The following MEIS2 variants were observed in gnomAD, a reference collection of about 807,000 sequenced individuals.
The protein encoded by MEIS2 is homeobox protein Meis2.
Under a neutral mutation model 58.6 loss-of-function variants are expected in MEIS2, and 9 were observed. That is an observed-to-expected ratio of 0.15 (90% CI 0.09 to 0.27). The LOEUF (loss-of-function observed/expected upper bound fraction) is 0.27, where lower values mean the gene tolerates loss of function less well. MEIS2 is among the 10% of genes least tolerant of loss of function. MEIS2 has a pLI of 1.00. For missense variants in MEIS2, 427 were observed against 635.0 expected (o/e 0.67, Z 3.52); for synonymous variants, 221 against 228.4 (o/e 0.97, Z 0.29).
intron 8 of MEIS2, among the ~76,000 whole-genome samples, chr15:36,978,998 AT>A (rs1015478760): frequency 4.6e-5 from 7 of 152,128 alleles, no homozygotes; most frequent in Non-Finnish European, 8.8e-5. Flanking sequence ...AAAAGTATGC[AT>A]TTTTTTAAAG....
chr15:36,938,748 A>G (rs1290245131), intron 9 of MEIS2, among the ~76,000 whole-genome samples: 1 of 152,230 alleles, frequency 6.6e-6, no homozygotes, highest in East Asian at 1.9e-4. Context: ...TTTTAAAGAT[A>G]GAAAGGACCT....
intron 6 of MEIS2, among the ~76,000 whole-genome samples, chr15:37,084,915 G>T (rs558550376): frequency 6.6e-6 from 1 of 152,266 alleles, no homozygotes; most frequent in East Asian, 1.9e-4. Context: ...CTGTACACTT[G>T]TCACCTGCAT....
chr15:37,058,727 A>C (rs1888787590), intron 7 of MEIS2, among the ~76,000 whole-genome samples: 1 of 152,134 alleles, frequency 6.6e-6, no homozygotes, highest in Non-Finnish European at 1.5e-5. Context: ...AGTGGCACCA[A>C]ATTCATCAGC....
chr15:36,897,808 G>A (rs2056259036), intron 9 of MEIS2: 1 of 152,140 alleles, frequency 6.6e-6, no homozygotes. Context: ...CAGATCTTAA[G>A]CACAGGGGGA....
At chr15:36,916,384 A>C (rs979479811) in intron 9 of MEIS2, among the ~76,000 whole-genome samples, 3 of 147,308 alleles carry the variant, frequency 2.0e-5, no homozygotes, top group African/African-American at 7.6e-5. Context: ...CTGAGACCGC[A>C]CCGCTGCACT....
intron 8 of MEIS2, among the ~76,000 whole-genome samples, chr15:36,973,429 T>C (rs2059634269): frequency 6.6e-6 from 1 of 152,212 alleles, no homozygotes; most frequent in Non-Finnish European, 1.5e-5. Context: ...CTGACTCTTA[T>C]TTGGATGCTG....
chr15:36,988,039 A>T (rs1278711515), intron 8 of MEIS2, among the ~76,000 whole-genome samples: 2 of 152,196 alleles, frequency 1.3e-5, no homozygotes, highest in Non-Finnish European at 2.9e-5. Context: ...AGGATGAAAA[A>T]GTCTAGAGAT....
chr15:37,073,551 G>A (rs769414119), intron 7 of MEIS2, among the ~76,000 whole-genome samples: 15 of 152,048 alleles, frequency 9.9e-5, no homozygotes, highest in Non-Finnish European at 1.8e-4. Context: ...GGTCTTGAGA[G>A]AGTGAGAGCT....
intron 9 of MEIS2, among the ~76,000 whole-genome samples, chr15:36,907,691 G>A (rs1309355590): frequency 6.6e-6 from 1 of 152,190 alleles, no homozygotes. Flanking sequence ...TGTTTGAGAG[G>A]CTGAGATTTT....
At chr15:36,985,208 T>C (rs1460732797) in intron 8 of MEIS2, among the ~76,000 whole-genome samples, 2 of 152,190 alleles carry the variant, frequency 1.3e-5, no homozygotes, top group African/African-American at 2.4e-5. Context: ...TCTCCTTTTC[T>C]TTCTATCTTT....
At chr15:36,968,762 T>A (rs961839546) in intron 8 of MEIS2, among the ~76,000 whole-genome samples, 43 of 152,186 alleles carry the variant, frequency 2.8e-4, no homozygotes, top group Non-Finnish European at 1.3e-4. Context: ...ATTTATATTA[T>A]TCATTTAGGA....
chr15:37,049,587 A>G (rs1484636928), intron 7 of MEIS2, among the ~76,000 whole-genome samples: 1 of 151,836 alleles, frequency 6.6e-6, no homozygotes, highest in Non-Finnish European at 1.5e-5. Context: ...CTTGGGTTCA[A>G]GCAATTCTTG....
At chr15:37,015,218 T>G (rs991186166) in intron 8 of MEIS2, among the ~76,000 whole-genome samples, 10 of 152,208 alleles carry the variant, frequency 6.6e-5, no homozygotes, top group Non-Finnish European at 2.9e-5. Context: ...TTCTGCTTTA[T>G]GTAAATCAGA....
chr15:36,996,003 G>GTA (rs1555446467), intron 8 of MEIS2, among the ~76,000 whole-genome samples: 14 of 39,908 alleles, frequency 3.5e-4, no homozygotes, highest in African/African-American at 8.1e-4. Context: ...ATATATATAT[G>GTA]TATATATATA....
In MEIS2 at chr15:36,984,381, T is replaced by C. The variant is rs554546776; in HGVS notation, c.901-33981A>G. 3.3e-5 allele frequency among the ~76,000 whole-genome samples: 5 copies of C among 152,312 alleles called. No individual in the cohort carries two copies. In the South Asian group the frequency reaches 8.3e-4, roughly 25 times the overall value. On this transcript the variant is annotated intron_variant, in intron 8 of 11. Transcript: ENST00000561208. Reference sequence around the variant, plus strand: ...ATTTTTATTCTTCATTCTGTTAATGTTGTATGTCACATTTATTGATTTACA... The same window carrying C: ...ATTTTTATTCTTCATTCTGTTAATGCTGTATGTCACATTTATTGATTTACA...
At chr15:36,937,637 A>T (rs1324538354) in intron 9 of MEIS2, among the ~76,000 whole-genome samples, 1 of 152,234 alleles carries the variant, frequency 6.6e-6, no homozygotes, top group African/African-American at 2.4e-5. Flanking sequence ...AAATTACTTT[A>T]GAGTGGAACT....
chr15:37,007,269 C>G lies in MEIS2; in HGVS notation c.900+29545G>C, dbSNP rs2060956198. ...TCCAGCCAGGTATATTAGAGCACAG[C>G]TGTAATCTCAGCTATCCAGGAGGCG... is the stretch of plus-strand genomic sequence containing the variant. On this transcript the variant is annotated intron_variant, in intron 8 of 11. Transcript: ENST00000561208. Among the ~76,000 whole-genome samples, 3 of 152,112 alleles carry G rather than the reference C, an allele frequency of 2.0e-5. No individual in the cohort carries two copies. In the South Asian group the frequency reaches 6.2e-4, roughly 32 times the overall value.
At chr15:37,004,500 C>T (rs1250914438) in intron 8 of MEIS2, among the ~76,000 whole-genome samples, 3 of 152,204 alleles carry the variant, frequency 2.0e-5, no homozygotes, top group Non-Finnish European at 4.4e-5. Flanking sequence ...CATAGACTCA[C>T]AGAATAATAG....
intron 8 of MEIS2, among the ~76,000 whole-genome samples, chr15:37,022,243 G>T (rs1595944786): frequency 1.3e-5 from 2 of 152,056 alleles, no homozygotes; most frequent in South Asian, 4.2e-4. Flanking sequence ...TATTAAGTTA[G>T]ATATTTCCTT....
Sources: gnomAD v4.1 joint callset for allele counts (sites outside exome capture counted in the v4.1 genomes callset) on GRCh38, gnomAD v4.1.1 for gene constraint, MANE v1.5 for transcripts, NCBI Gene and HGNC (gene_info 2026-07-23, HGNC 2026-07-21) for gene names.